Variants in STK10 observed in about 807,000 individuals in gnomAD.
STK10 encodes the protein serine/threonine kinase 10.
Under a neutral mutation model 113.8 loss-of-function variants are expected in STK10, and 78 were observed. That is an observed-to-expected ratio of 0.69 (90% CI 0.57 to 0.83). The LOEUF (loss-of-function observed/expected upper bound fraction) is 0.83, where lower values mean the gene tolerates loss of function less well. Among genes scored for constraint, STK10 ranks in the 40% least tolerant of loss-of-function variants. STK10 has a pLI of 0.00. For missense variants in STK10, 1,109 were observed against 1,280.1 expected (o/e 0.87, Z 2.04); for synonymous variants, 465 against 494.7 (o/e 0.94, Z 0.80).
intron 2 of STK10, among the ~76,000 whole-genome samples, chr5:172,154,988 T>C (rs1452537350): frequency 6.6e-6 from 1 of 152,150 alleles, no homozygotes; most frequent in East Asian, 1.9e-4. Context: ...ATGAACTTGG[T>C]ACCCAGCCAC....
Position 172,127,358 on chromosome 5 carries a change from T to A in STK10, c.370+15A>T. 1 of 1,613,658 alleles carries A rather than the reference T, an allele frequency of 6.2e-7. No individual in the cohort carries two copies. The highest frequency in any genetic ancestry group is 8.5e-7 in the Non-Finnish European group (1 of 1,179,774). ...CGTCTGGTCCCGACAATGCACCGAA[T>A]CAAGTAAGACTCACCCAGCATGATG... On this transcript the variant is annotated intron_variant, in intron 3 of 18. Coordinates refer to ENST00000176763, the MANE Select transcript of STK10 (RefSeq NM_005990.4).
chr5:172,131,108 A>C (rs544702338), intron 2 of STK10, among the ~76,000 whole-genome samples: 4 of 136,340 alleles, frequency 2.9e-5, no homozygotes, highest in Non-Finnish European at 6.0e-5. Context: ...ATCTTGGCTC[A>C]CTGCAAGCTC....
At chr5:172,143,126 C>T (rs573360219) in intron 2 of STK10, among the ~76,000 whole-genome samples, 1 of 152,292 alleles carries the variant, frequency 6.6e-6, no homozygotes, top group South Asian at 2.1e-4. Flanking sequence ...AAGAAAAAAC[C>T]GAGTGCTAGG....
chr5:172,162,863 C>T (rs535212945), intron 1 of STK10, among the ~76,000 whole-genome samples: 41 of 152,336 alleles, frequency 2.7e-4, no homozygotes, highest in Admixed American at 9.1e-4. Context: ...GACCATTTTC[C>T]AGGAGTGCAC....
intron 12 of STK10, among the ~76,000 whole-genome samples, chr5:172,065,397 G>T (rs1419889594): frequency 6.9e-6 from 1 of 143,946 alleles, no homozygotes; most frequent in African/African-American, 2.6e-5. Context: ...GCTAATTTTT[G>T]TATTTTTAGT....
rs568159530 is a variant in STK10, at chr5:172,133,855, A to G, written c.322-6434T>C. Among the ~76,000 whole-genome samples, 24 of 152,340 alleles carry G rather than the reference A, an allele frequency of 1.6e-4. No homozygotes were observed. Among genetic ancestry groups the G allele is most frequent in the Admixed American group, 1.4e-3 (22 of 15,294 alleles). On this transcript the variant is annotated intron_variant, in intron 2 of 18. Transcript: ENST00000176763. This position sits in a 1 kb window ranked among gnomAD's most constrained non-coding sequence, Gnocchi z 4.9. ...ATCCCACGCTTGGCAGGAGATGATGAGTAACCACACTCTCCAGGTGGCAGA... is the reference window on the plus strand; with the variant it reads ...ATCCCACGCTTGGCAGGAGATGATGGGTAACCACACTCTCCAGGTGGCAGA...
intron 2 of STK10, among the ~76,000 whole-genome samples, chr5:172,154,932 A>G (rs1055199777): frequency 2.6e-5 from 4 of 152,204 alleles, no homozygotes; most frequent in African/African-American, 9.7e-5. Flanking sequence ...TAAACTCTCA[A>G]TAAATGCTAG....
intron 12 of STK10, among the ~76,000 whole-genome samples, chr5:172,072,387 C>T (rs2038694059): frequency 6.6e-6 from 1 of 152,176 alleles, no homozygotes; most frequent in African/African-American, 2.4e-5. Context: ...CTGCCTCAGC[C>T]TCCCGAGTAG....
At chr5:172,128,575 C>G (rs1205808831) in intron 2 of STK10, among the ~76,000 whole-genome samples, 1 of 152,230 alleles carries the variant, frequency 6.6e-6, no homozygotes, top group Admixed American at 6.5e-5. Context: ...AGGTGATCCA[C>G]CCGCCCTGGC....
At chr5:172,145,884 C>T (rs139875797) in intron 2 of STK10, among the ~76,000 whole-genome samples, 79 of 152,304 alleles carry the variant, frequency 5.2e-4, no homozygotes, top group Non-Finnish European at 1.1e-3. Flanking sequence ...CGTGCTGTGT[C>T]CATGCTGGAA....
chr5:172,153,857 T>C (rs998022463), intron 2 of STK10, among the ~76,000 whole-genome samples: 5 of 152,238 alleles, frequency 3.3e-5, no homozygotes, highest in African/African-American at 7.2e-5. Flanking sequence ...TTCCTTCTCT[T>C]ATCTCCCCAG....
At chr5:172,076,057 T>C (rs985910537) in intron 12 of STK10, among the ~76,000 whole-genome samples, 14 of 152,222 alleles carry the variant, frequency 9.2e-5, no homozygotes, top group Admixed American at 6.5e-4. Flanking sequence ...CCTTCTCCTA[T>C]GTTCTTTGGC....
chr5:172,119,760 A>T (rs1769466150), intron 3 of STK10, among the ~76,000 whole-genome samples: 1 of 146,718 alleles, frequency 6.8e-6, no homozygotes, highest in African/African-American at 2.6e-5. Context: ...GCTACTCGGG[A>T]GGCTGAGGCA....
chr5:172,130,342 C>G (rs1393590860), intron 2 of STK10, among the ~76,000 whole-genome samples: 1 of 152,048 alleles, frequency 6.6e-6, no homozygotes, highest in Admixed American at 6.6e-5. Flanking sequence ...ACCAGCCTGG[C>G]CAAAATGGCA....
At chr5:172,149,915 C>T (rs528858471) in intron 2 of STK10, among the ~76,000 whole-genome samples, 3 of 151,684 alleles carry the variant, frequency 2.0e-5, no homozygotes, top group Non-Finnish European at 4.4e-5. Flanking sequence ...GGTGTGGTGG[C>T]AGACACCTGT....
Position 172,044,715 on chromosome 5 carries a change from G to A in STK10, c.*167C>T, listed in dbSNP as rs1444969106. The A allele has an allele frequency of 1.0e-5, 11 of 1,089,600 alleles. No homozygotes were observed. Among genetic ancestry groups the A allele is most frequent in the Non-Finnish European group, 1.1e-5 (8 of 748,232 alleles). The allele number at this position is 1,089,600 out of a possible 1,614,324, so 67.5% of individuals were successfully genotyped here. A position where few individuals can be genotyped will look rare whatever the true frequency, so the allele number is the denominator to read the frequency against. The stretch of plus-strand genomic sequence containing the variant: ...CACAGGCCAGCAAGAAGTCAGGAAC[G>A]CTGGGGCAGGTCTATCAGGCACAGT... On this transcript the variant is annotated 3_prime_UTR_variant, in exon 19 of 19. Transcript: ENST00000176763. The surrounding 1 kb of genome is among the most constrained non-coding windows in gnomAD (Gnocchi z 4.5).
chr5:172,120,380 C>T lies in STK10; in HGVS notation c.371-2750G>A, dbSNP rs1769485802. 6.6e-6 allele frequency among the ~76,000 whole-genome samples: 1 copy of T among 152,198 alleles called. No individual in the cohort carries two copies. Among genetic ancestry groups the T allele is most frequent in the South Asian group, 2.1e-4 (1 of 4,830 alleles). Reference sequence around the variant, plus strand: ...AACCAGGAATGCAGGTACCAACTGCCCTGCTCTGGGAAGCCAGGCCCCAGA... The same window carrying T: ...AACCAGGAATGCAGGTACCAACTGCTCTGCTCTGGGAAGCCAGGCCCCAGA... On this transcript the variant is annotated intron_variant, in intron 3 of 18. Coordinates refer to ENST00000176763, the MANE Select transcript of STK10 (RefSeq NM_005990.4). This position sits in a 1 kb window ranked among gnomAD's most constrained non-coding sequence, Gnocchi z 4.0.
At chr5:172,116,190 C>T (rs1310395376) in intron 4 of STK10, among the ~76,000 whole-genome samples, 1 of 152,188 alleles carries the variant, frequency 6.6e-6, no homozygotes, top group East Asian at 1.9e-4. Flanking sequence ...AAGCGATTCT[C>T]CTGTCTCAGC....
Position 172,137,024 on chromosome 5 carries a change from G to A in STK10, c.322-9603C>T, listed in dbSNP as rs539177724. On this transcript the variant is annotated intron_variant, in intron 2 of 18. Transcript: ENST00000176763. ...CGGTGTGTGATGTTCCCCTCCCAGT[G>A]TCCACGTGTTCTCACTGTGCATATA... 7.2e-4 allele frequency among the ~76,000 whole-genome samples: 108 copies of A among 150,128 alleles called. 3 individuals carry two copies. Among genetic ancestry groups the A allele is most frequent in the East Asian group, 1.6e-3 (8 of 5,106 alleles).
Sources: allele counts gnomAD v4.1 joint callset (sites outside exome capture counted in the v4.1 genomes callset), GRCh38; gene constraint gnomAD v4.1.1; non-coding constraint Gnocchi (gnomAD v3.1); transcripts MANE v1.5; gene names NCBI Gene and HGNC (gene_info 2026-07-23, HGNC 2026-07-21).